Variants in BRAF observed in about 807,000 individuals in gnomAD.
BRAF encodes B-Raf proto-oncogene, serine/threonine kinase.
In BRAF, 16 loss-of-function variants were observed where a neutral mutation model predicts 104.6. The observed-to-expected ratio is 0.15, with a 90% CI of 0.10 to 0.23. The LOEUF is 0.23. Ranked by LOEUF, BRAF falls within the 10% of genes least tolerant of loss-of-function variation. The probability of loss-of-function intolerance (pLI) is 1.00; values close to 1 mark genes in which losing one functional copy is unlikely to be tolerated. For synonymous variants in BRAF, 310 were observed against 341.6 expected, an observed-to-expected ratio of 0.91 and a Z score of 1.02; for missense variants, 541 against 937.3, an observed-to-expected ratio of 0.58 and a Z score of 5.52.
chr7:140,798,461 T>C (rs1319927560), intron 7 of BRAF, among the ~76,000 whole-genome samples: 2 of 151,000 alleles, frequency 1.3e-5, no homozygotes, highest in African/African-American at 4.9e-5. Flanking sequence ...GGGGTTTCAC[T>C]GTGTTAGCCA....
rs530090692 is a variant in BRAF, at chr7:140,767,264, G to A, written c.1814+9648C>T. ...AGCAATCCACCCGCCTCAGCTTCCC[G>A]AAGTGTTGGGATTACAGGCATGAAC... is the stretch of plus-strand genomic sequence containing the variant. On this transcript the variant is annotated intron_variant, in intron 14 of 19. Coordinates refer to ENST00000644969, the MANE Select transcript of BRAF (RefSeq NM_001374258.1). Among the ~76,000 whole-genome samples, 15 of 152,132 alleles carry A rather than the reference G, an allele frequency of 9.9e-5. No homozygotes were observed. The South Asian group carries it at 2.5e-3, about 25-fold the overall frequency.
At chr7:140,818,912 C>A (rs1421077156) in intron 3 of BRAF, among the ~76,000 whole-genome samples, 1 of 152,168 alleles carries the variant, frequency 6.6e-6, no homozygotes, top group East Asian at 1.9e-4. Flanking sequence ...CTACCTTACA[C>A]TGAAGATAGC....
intron 1 of BRAF, among the ~76,000 whole-genome samples, chr7:140,897,232 T>C (rs910705032): frequency 2.0e-5 from 3 of 152,060 alleles, no homozygotes; most frequent in African/African-American, 2.4e-5. Context: ...AAACAGGTTA[T>C]AGACAAACAG....
In BRAF at chr7:140,742,258, C is replaced by T. The variant is rs1796988884; in HGVS notation, c.2113-2312G>A. Among the ~76,000 whole-genome samples, 5 of 150,412 alleles carry T rather than the reference C, an allele frequency of 3.3e-5. No homozygotes were observed. In the South Asian group the frequency reaches 1.1e-3, roughly 32 times the overall value. On this transcript the variant is annotated intron_variant, in intron 17 of 19. Transcript: ENST00000644969. ...CCAGGCTAGAGTGTAGTGGTGTGAT[C>T]TCGGCTCACTGCAACCTCCCCTTCC...
At chr7:140,884,429 ATGTGTGTGTGTG>A (rs71170770) in intron 1 of BRAF, among the ~76,000 whole-genome samples, 170 of 127,524 alleles carry the variant, frequency 1.3e-3, no homozygotes, top group South Asian at 7.2e-3. Flanking sequence ...TATATAAGAT[ATGTGTGTGTGTG>A]TGTGTGTGTG....
chr7:140,816,570 C>A (rs1804905700), intron 3 of BRAF, among the ~76,000 whole-genome samples: 1 of 152,110 alleles, frequency 6.6e-6, no homozygotes, highest in Non-Finnish European at 1.5e-5. Flanking sequence ...ATTGCCCTAT[C>A]TTTTCCCTTT....
At position 140,723,869 on chromosome 7, in the gene BRAF, T is replaced by C; in HGVS notation, c.*2625A>G. 1 of 1,046,626 alleles carries C rather than the reference T, an allele frequency of 9.6e-7. No homozygotes were observed. Among genetic ancestry groups the C allele is most frequent in the Non-Finnish European group, 1.2e-6 (1 of 867,506 alleles). The allele number at this position is 1,046,626 out of a possible 1,614,324, so 64.8% of individuals were successfully genotyped here. On this transcript the variant is annotated 3_prime_UTR_variant, in exon 20 of 20. Transcript: ENST00000644969. ...ACTTCTTCCTCGTTTTTTTAGGAGC[T>C]CAGTAAGTCTAACTGTTGTCTAAGC...
chr7:140,726,624 C>A lies in BRAF; in HGVS notation c.2402-108G>T, dbSNP rs1022330436. ...CTGAAAAGTAACTAGTTATATATTT[C>A]AAGTCTAGCAACAGCATTGCTAATT... On this transcript the variant is annotated intron_variant, in intron 19 of 19. Coordinates refer to ENST00000644969, the MANE Select transcript of BRAF (RefSeq NM_001374258.1). 1.9e-5 allele frequency: 19 copies of A among 989,328 alleles called. No individual in the cohort carries two copies. The African/African-American group carries it at 2.9e-4, about 15-fold the overall frequency. 61.3% of individuals were successfully genotyped at this position (989,328 alleles called of 1,614,324 possible). A position where few individuals can be genotyped will look rare whatever the true frequency, so the allele number is the denominator to read the frequency against.
intron 3 of BRAF, among the ~76,000 whole-genome samples, chr7:140,829,120 A>G (rs546395695): frequency 6.8e-6 from 1 of 147,616 alleles, no homozygotes; most frequent in African/African-American, 2.5e-5. Flanking sequence ...TCAGAAGACT[A>G]TTTACTTCTT....
At chr7:140,731,089 T>G (rs1795923849) in intron 19 of BRAF, 1 of 152,212 alleles carries the variant, frequency 6.6e-6, no homozygotes. Context: ...TGATGAAGGC[T>G]CACAGCAGCC....
At chr7:140,802,023 G>A (rs1397337406) in intron 5 of BRAF, among the ~76,000 whole-genome samples, 1 of 152,086 alleles carries the variant, frequency 6.6e-6, no homozygotes, top group African/African-American at 2.4e-5. Flanking sequence ...TAAAAATATT[G>A]GGGGAGAGGA....
At chr7:140,809,071 T>C in intron 3 of BRAF, 76 bp from the exon 4 acceptor site, 1 of 1,216,338 alleles carries the variant, frequency 8.2e-7, no homozygotes, top group Non-Finnish European at 1.2e-6. Flanking sequence ...AAAAATTTAG[T>C]AATTCATCTT....
downstream of BRAF, among the ~76,000 whole-genome samples, chr7:140,715,235 T>C (rs1167729234): frequency 6.6e-6 from 1 of 152,176 alleles, no homozygotes; most frequent in African/African-American, 2.4e-5. Context: ...AGTGGAACAG[T>C]TGCACCCTCC....
intron 14 of BRAF, among the ~76,000 whole-genome samples, chr7:140,758,723 A>G (rs1372990430): frequency 2.6e-5 from 4 of 152,214 alleles, no homozygotes; most frequent in African/African-American, 9.6e-5. Context: ...CCGAAGTGCT[A>G]GAATTATAGG....
intron 19 of BRAF, among the ~76,000 whole-genome samples, chr7:140,729,165 G>A (rs779672942): frequency 6.6e-6 from 1 of 151,978 alleles, no homozygotes; most frequent in East Asian, 1.9e-4. Context: ...AGACCAGCAG[G>A]TTGAGGCTGC....
intron 14 of BRAF, among the ~76,000 whole-genome samples, chr7:140,761,068 A>C (rs1359439069): frequency 2.6e-5 from 4 of 152,160 alleles, no homozygotes; most frequent in Non-Finnish European, 4.4e-5. Context: ...GAGAAGAGCA[A>C]CTCCAAGACA....
intron 3 of BRAF, among the ~76,000 whole-genome samples, chr7:140,826,812 A>G (rs755641592): frequency 6.6e-6 from 1 of 152,212 alleles, no homozygotes; most frequent in Non-Finnish European, 1.5e-5. Context: ...CCATCCTCAC[A>G]TTTAAGAACG....
At chr7:140,854,753 TGGCC>T (rs1809580443) in intron 1 of BRAF, among the ~76,000 whole-genome samples, 1 of 152,044 alleles carries the variant, frequency 6.6e-6, no homozygotes, top group African/African-American at 2.4e-5. Flanking sequence ...CGAGACCAGC[TGGCC>T]AACACGGTGA....
chr7:140,804,162 T>C (rs2129045935), intron 5 of BRAF, among the ~76,000 whole-genome samples: 1 of 151,964 alleles, frequency 6.6e-6, no homozygotes, highest in Non-Finnish European at 1.5e-5. Flanking sequence ...GTTACAGACA[T>C]GAGCCACCAC....
Sources: gnomAD v4.1 joint callset for allele counts (sites outside exome capture counted in the v4.1 genomes callset) on GRCh38, gnomAD v4.1.1 for gene constraint, MANE v1.5 for transcripts, NCBI Gene and HGNC (gene_info 2026-07-23, HGNC 2026-07-21) for gene names.